HS6ST3: variants seen among roughly 807,000 people sequenced by gnomAD.
HS6ST3 encodes heparan sulfate 6-O-sulfotransferase 3.
HS6ST3 carries 12 observed loss-of-function variants against 36.7 expected under a neutral mutation model. The ratio of observed to expected loss-of-function variants is 0.33; its 90% CI spans 0.21 to 0.53. The LOEUF is 0.53. Among genes scored for constraint, HS6ST3 ranks in the 20% least tolerant of loss-of-function variants. The probability of loss-of-function intolerance (pLI) is 0.95; values close to 1 mark genes in which losing one functional copy is unlikely to be tolerated. For missense variants in HS6ST3, 584 were observed against 640.9 expected, an observed-to-expected ratio of 0.91 and a Z score of 0.96; for synonymous variants, 240 against 257.5, an observed-to-expected ratio of 0.93 and a Z score of 0.65.
chr13:96,364,115 A>T (rs1024181651), intron 1 of HS6ST3, among the ~76,000 whole-genome samples: 1 of 152,202 alleles, frequency 6.6e-6, no homozygotes, highest in Admixed American at 6.5e-5. Context: ...TGTTACTTAA[A>T]AAAAGAGGTA....
chr13:96,121,554 A>G (rs1046942599), intron 1 of HS6ST3, among the ~76,000 whole-genome samples: 1 of 152,264 alleles, frequency 6.6e-6, no homozygotes, highest in African/African-American at 2.4e-5. Flanking sequence ...GATGGCCACA[A>G]TTGCTAATAG....
chr13:96,134,175 A>T (rs1330715842), intron 1 of HS6ST3, among the ~76,000 whole-genome samples: 1 of 151,844 alleles, frequency 6.6e-6, no homozygotes. Context: ...TGCTGTTTTG[A>T]TTGCCATTTA....
chr13:96,227,053 A>C (rs2054484157), intron 1 of HS6ST3, among the ~76,000 whole-genome samples: 2 of 152,202 alleles, frequency 1.3e-5, no homozygotes, highest in African/African-American at 2.4e-5. Flanking sequence ...TTGACACTAG[A>C]TAGAAGTATT....
At chr13:96,703,837 G>A (rs1230222447) in intron 1 of HS6ST3, among the ~76,000 whole-genome samples, 1 of 152,106 alleles carries the variant, frequency 6.6e-6, no homozygotes, top group African/African-American at 2.4e-5. Context: ...ATTGGATCAT[G>A]GGGGCAGTTT....
chr13:96,577,786 A>G (rs1181464589), intron 1 of HS6ST3, among the ~76,000 whole-genome samples: 1 of 152,198 alleles, frequency 6.6e-6, no homozygotes, highest in African/African-American at 2.4e-5. Context: ...CAAAACCACA[A>G]TGAGATACCA....
At chr13:96,158,284 G>A (rs2054119509) in intron 1 of HS6ST3, among the ~76,000 whole-genome samples, 1 of 152,030 alleles carries the variant, frequency 6.6e-6, no homozygotes, top group Non-Finnish European at 1.5e-5. Flanking sequence ...AAAAATGATT[G>A]GTGGTTTCTG....
At chr13:96,151,838 A>G (rs553765493) in intron 1 of HS6ST3, among the ~76,000 whole-genome samples, 1 of 152,128 alleles carries the variant, frequency 6.6e-6, no homozygotes, top group African/African-American at 2.4e-5. Context: ...TTCCCTCTGC[A>G]TGTCTGTGTC....
rs1291002914 is a variant in HS6ST3 at position 96,837,645 on chromosome 13, A to AG, written c.*4452dup. Reference sequence around the variant, plus strand: ...TACTCTCAGCTCCCTACCTCCAGTGAGGGGGCCTCTTATTAGGAATGAAAT... The same window carrying AG: ...TACTCTCAGCTCCCTACCTCCAGTGAGGGGGGCCTCTTATTAGGAATGAAAT... On this transcript the variant is annotated 3_prime_UTR_variant, in exon 2 of 2. Transcript: ENST00000376705. 2 of 152,138 alleles carry AG rather than the reference A, an allele frequency of 1.3e-5. No individual in the cohort carries two copies. The highest frequency in any genetic ancestry group is 4.8e-5 in the African/African-American group (2 of 41,424). The allele number at this position is 152,138 out of a possible 1,614,324, so 9.4% of individuals were successfully genotyped here. A position where few individuals can be genotyped will look rare whatever the true frequency, so the allele number is the denominator to read the frequency against.
intron 1 of HS6ST3, among the ~76,000 whole-genome samples, chr13:96,410,522 A>G (rs1213429913): frequency 1.3e-5 from 2 of 152,092 alleles, no homozygotes; most frequent in Admixed American, 6.5e-5. Context: ...CAACAATACC[A>G]CTCTAATATA....
At chr13:96,534,931 G>T (rs1267999650) in intron 1 of HS6ST3, among the ~76,000 whole-genome samples, 1 of 152,182 alleles carries the variant, frequency 6.6e-6, no homozygotes, top group Non-Finnish European at 1.5e-5. Flanking sequence ...CTGCACTCCA[G>T]CCTGGGTGAC....
chr13:96,226,156 C>G (rs2054479228), intron 1 of HS6ST3, among the ~76,000 whole-genome samples: 1 of 152,172 alleles, frequency 6.6e-6, no homozygotes, highest in Non-Finnish European at 1.5e-5. Context: ...ATTTAGAACA[C>G]TTAAAAACAA....
At chr13:96,391,404 T>C (rs377676) in intron 1 of HS6ST3, among the ~76,000 whole-genome samples, 135,829 of 152,208 alleles carry the variant, frequency 0.89, 61,067 homozygotes, top group African/African-American at 0.97. Context: ...CTTTCATAGT[T>C]ATTTGTGGAA....
At chr13:96,112,766 CAACA>C (rs55814815) in intron 1 of HS6ST3, among the ~76,000 whole-genome samples, 3 of 145,612 alleles carry the variant, frequency 2.1e-5, no homozygotes, top group Non-Finnish European at 4.5e-5. Flanking sequence ...GACTCTGTTT[CAACA>C]AACAAACAAA....
intron 1 of HS6ST3, among the ~76,000 whole-genome samples, chr13:96,226,350 G>A (rs1029417537): frequency 2.0e-5 from 3 of 151,988 alleles, no homozygotes; most frequent in East Asian, 1.9e-4. Flanking sequence ...GAGAAACCCC[G>A]TCTCTACTAA....
chr13:96,100,048 TA>T (rs1190399401), intron 1 of HS6ST3, among the ~76,000 whole-genome samples: 1 of 151,924 alleles, frequency 6.6e-6, no homozygotes, highest in Non-Finnish European at 1.5e-5. Context: ...ATATAAAGTG[TA>T]AATTGGAAGA....
intron 1 of HS6ST3, among the ~76,000 whole-genome samples, chr13:96,122,119 T>TTATTATTAC (rs1296844123): frequency 6.8e-6 from 1 of 148,084 alleles, no homozygotes; most frequent in Non-Finnish European, 1.5e-5. Flanking sequence ...GGTATTATTA[T>TTATTATTAC]TATTATTATT....
intron 1 of HS6ST3, among the ~76,000 whole-genome samples, chr13:96,747,575 C>A (rs1299311894): frequency 6.6e-6 from 1 of 151,970 alleles, no homozygotes; most frequent in Non-Finnish European, 1.5e-5. Flanking sequence ...ATGTGATTTT[C>A]TTTGTAACTT....
At chr13:96,572,933 T>G (rs2056306136) in intron 1 of HS6ST3, among the ~76,000 whole-genome samples, 1 of 152,244 alleles carries the variant, frequency 6.6e-6, no homozygotes, top group Non-Finnish European at 1.5e-5. Context: ...AAATCATTCA[T>G]GTACGTCAGA....
chr13:96,121,159 C>T (rs1253170067), intron 1 of HS6ST3, among the ~76,000 whole-genome samples: 3 of 152,148 alleles, frequency 2.0e-5, no homozygotes, highest in Non-Finnish European at 4.4e-5. Context: ...TCCATCCATC[C>T]TAAGGTTTTA....
Sources: allele counts gnomAD v4.1 joint callset (sites outside exome capture counted in the v4.1 genomes callset), GRCh38; gene constraint gnomAD v4.1.1; transcripts MANE v1.5; gene names NCBI Gene and HGNC (gene_info 2026-07-23, HGNC 2026-07-21).